The following GNG7 variants were observed in gnomAD, a reference collection of about 807,000 sequenced individuals.
GNG7 encodes guanine nucleotide-binding protein G(I)/G(S)/G(O) subunit gamma-7.
GNG7 carries 1 observed loss-of-function variant against 4.0 expected under a neutral mutation model. The ratio of observed to expected loss-of-function variants is 0.25; its 90% CI spans 0.09 to 1.18. GNG7 has a LOEUF of 1.18. Among genes scored for constraint, GNG7 ranks in the 50% most tolerant of loss-of-function variants. The pLI is 0.50. For synonymous variants in GNG7, 34 were observed against 36.9 expected, an observed-to-expected ratio of 0.92 and a Z score of 0.29; for missense variants, 86 against 91.9, an observed-to-expected ratio of 0.94 and a Z score of 0.26.
intron 3 of GNG7, among the ~76,000 whole-genome samples, chr19:2,526,880 C>T (rs1161185623): frequency 3.1e-5 from 4 of 129,498 alleles, no homozygotes; most frequent in African/African-American, 8.3e-5. Context: ...GAGTCTCGCT[C>T]TGTCGCCCAG....
Position 2,514,401 on chromosome 19 carries a change from A to G in GNG7, c.*621T>C, listed in dbSNP as rs1972697693. ...GACCCCCACACTCCATCGTGCATTCATTGCAGGATCGTGCAGTTTAGCGAC... is the reference window on the plus strand; with the variant it reads ...GACCCCCACACTCCATCGTGCATTCGTTGCAGGATCGTGCAGTTTAGCGAC... On this transcript the variant is annotated 3_prime_UTR_variant, in exon 5 of 5. Coordinates refer to ENST00000382159, the MANE Select transcript of GNG7 (RefSeq NM_052847.3). 1 of 152,654 alleles carries G rather than the reference A, an allele frequency of 6.6e-6. No individual in the cohort carries two copies. The highest frequency in any genetic ancestry group is 2.4e-5 in the African/African-American group (1 of 41,360). 9.5% of individuals were successfully genotyped at this position (152,654 alleles called of 1,614,324 possible).
At chr19:2,664,556 C>T (rs57549486) in intron 1 of GNG7, among the ~76,000 whole-genome samples, 263 of 152,148 alleles carry the variant, frequency 1.7e-3, no homozygotes, top group African/African-American at 6.0e-3. Context: ...CTCTGTGAGC[C>T]GAGGTCAAGG....
At chr19:2,700,052 G>GCTCCAA (rs1913362863) in intron 1 of GNG7, among the ~76,000 whole-genome samples, 1 of 151,256 alleles carries the variant, frequency 6.6e-6, no homozygotes, top group Non-Finnish European at 1.5e-5. Context: ...ATGGAAACAG[G>GCTCCAA]CTCCATATTT....
intron 3 of GNG7, among the ~76,000 whole-genome samples, chr19:2,544,142 C>T (rs986179639): frequency 3.9e-5 from 6 of 152,300 alleles, no homozygotes; most frequent in Admixed American, 2.6e-4. Context: ...CTTCTGAGAA[C>T]ACAGTGTTCA....
intron 3 of GNG7, among the ~76,000 whole-genome samples, chr19:2,528,226 G>A (rs1224115992): frequency 4.9e-5 from 7 of 143,352 alleles, no homozygotes; most frequent in Non-Finnish European, 9.0e-5. Context: ...AGCCAAGATC[G>A]CGCCACTGCA....
At position 2,511,825 on chromosome 19, in the gene GNG7, G is replaced by A; in HGVS notation, c.*3197C>T. 3 of 986,250 alleles carry A rather than the reference G, an allele frequency of 3.0e-6. No individual in the cohort carries two copies. Among genetic ancestry groups the A allele is most frequent in the Non-Finnish European group, 2.4e-6 (2 of 830,238 alleles). 61.1% of individuals were successfully genotyped at this position (986,250 alleles called of 1,614,324 possible). On this transcript the variant is annotated 3_prime_UTR_variant, in exon 5 of 5. Transcript: ENST00000382159. This position sits in a 1 kb window ranked among gnomAD's most constrained non-coding sequence, Gnocchi z 6.3. ...GCCAGAGGTCGCAGCTGAGCTATCTGTGCTTGGCCTGGGGTTACCCCTGGG... is the reference window on the plus strand; with the variant it reads ...GCCAGAGGTCGCAGCTGAGCTATCTATGCTTGGCCTGGGGTTACCCCTGGG...
chr19:2,568,590 CACAT>C (rs1157581466), intron 2 of GNG7, among the ~76,000 whole-genome samples: 6 of 150,728 alleles, frequency 4.0e-5, no homozygotes, highest in Non-Finnish European at 5.9e-5. Flanking sequence ...CACAAATACA[CACAT>C]ATATAGACAT....
At chr19:2,543,710 C>T (rs1316846128) in intron 3 of GNG7, among the ~76,000 whole-genome samples, 1 of 152,218 alleles carries the variant, frequency 6.6e-6, no homozygotes, top group Non-Finnish European at 1.5e-5. Context: ...AATTCCAGCT[C>T]AGAGCGGGCT....
intron 2 of GNG7, among the ~76,000 whole-genome samples, chr19:2,635,075 G>C (rs978520636): frequency 6.6e-6 from 1 of 152,212 alleles, no homozygotes; most frequent in Non-Finnish European, 1.5e-5. Flanking sequence ...CTCTGGGGTG[G>C]GGTCGTCCTG....
At chr19:2,562,189 C>T (rs759065579) in intron 2 of GNG7, among the ~76,000 whole-genome samples, 1 of 152,212 alleles carries the variant, frequency 6.6e-6, no homozygotes, top group African/African-American at 2.4e-5. Context: ...GAGCCAGAGC[C>T]GTGAGTCACC....
At chr19:2,622,682 A>AG (rs1406987098) in intron 2 of GNG7, among the ~76,000 whole-genome samples, 5 of 129,272 alleles carry the variant, frequency 3.9e-5, no homozygotes, top group African/African-American at 1.6e-4. Context: ...CGCGGCAGAT[A>AG]GGGGGCTTCC....
intron 2 of GNG7, among the ~76,000 whole-genome samples, chr19:2,564,928 T>G (rs1979855477): frequency 1.3e-5 from 2 of 149,246 alleles, no homozygotes; most frequent in Non-Finnish European, 3.0e-5. Flanking sequence ...CGGTGGCTCA[T>G]GCCTGCAATC....
At chr19:2,702,220 C>G (rs1913420395) in intron 1 of GNG7, among the ~76,000 whole-genome samples, 1 of 151,120 alleles carries the variant, frequency 6.6e-6, no homozygotes, top group Admixed American at 6.6e-5. Flanking sequence ...ACCTCCAGCC[C>G]CCTCCCCAGC....
chr19:2,662,262 A>AG (rs1983200463), intron 1 of GNG7, among the ~76,000 whole-genome samples: 1 of 137,824 alleles, frequency 7.3e-6, no homozygotes, highest in South Asian at 2.6e-4. Flanking sequence ...TCCATCTCAA[A>AG]AAAAAAAAAA....
chr19:2,672,155 A>G (rs1205461286), intron 1 of GNG7, among the ~76,000 whole-genome samples: 1 of 148,784 alleles, frequency 6.7e-6, no homozygotes, highest in Non-Finnish European at 1.5e-5. Context: ...CTCCTGCCTC[A>G]GCCTCCCGAG....
At chr19:2,589,497 G>A (rs897633151) in intron 2 of GNG7, among the ~76,000 whole-genome samples, 2 of 150,422 alleles carry the variant, frequency 1.3e-5, no homozygotes, top group Non-Finnish European at 3.0e-5. Flanking sequence ...TGAGATCACA[G>A]GCATGAGCCA....
At chr19:2,661,290 GAAAGAAAGAAAGAGAAAGAAAGAAAGAAA>G (rs1983153534) in intron 1 of GNG7, among the ~76,000 whole-genome samples, 7 of 47,580 alleles carry the variant, frequency 1.5e-4, no homozygotes, top group East Asian at 1.3e-3. Context: ...AAGAAAGAAA[GAAAGAAAGAAAGAGAAAGAAAGAAAGAAA>G]GAAAGAAAGA....
At chr19:2,564,052 AG>A (rs1441806095) in intron 2 of GNG7, among the ~76,000 whole-genome samples, 2 of 152,160 alleles carry the variant, frequency 1.3e-5, no homozygotes, top group African/African-American at 4.8e-5. Flanking sequence ...CGTGTGTGTA[AG>A]GGCAGGCTCC....
chr19:2,639,914 G>A (rs1982451252), intron 2 of GNG7, among the ~76,000 whole-genome samples: 2 of 77,360 alleles, frequency 2.6e-5, no homozygotes, highest in South Asian at 1.3e-3. Flanking sequence ...AGGGAGAAAG[G>A]AAGGAGGGAG....
Sources: allele counts gnomAD v4.1 joint callset (sites outside exome capture counted in the v4.1 genomes callset), GRCh38; gene constraint gnomAD v4.1.1; non-coding constraint Gnocchi (gnomAD v3.1); transcripts MANE v1.5; gene names NCBI Gene and HGNC (gene_info 2026-07-23, HGNC 2026-07-21).